The following SLIT2 variants were observed in gnomAD, a reference collection of about 807,000 sequenced individuals.
The protein encoded by SLIT2 is slit homolog 2 protein.
A neutral mutation model predicts 185.7 loss-of-function variants in SLIT2; 41 were observed. The ratio of observed to expected loss-of-function variants is 0.22; its 90% CI spans 0.17 to 0.29. SLIT2 has a LOEUF of 0.29. SLIT2 is among the 10% of genes least tolerant of loss of function. SLIT2 has a pLI of 1.00. For missense variants in SLIT2, 1,571 were observed against 1,909.0 expected (o/e 0.82, Z 3.30); for synonymous variants, 693 against 680.2 (o/e 1.02, Z -0.29).
chr4:20,466,652 A>G (rs1714389170), intron 4 of SLIT2, among the ~76,000 whole-genome samples: 1 of 152,114 alleles, frequency 6.6e-6, no homozygotes, highest in South Asian at 2.1e-4. Flanking sequence ...ATGTATGAAC[A>G]AGAAACTCAG....
At chr4:20,609,181 A>G (rs1415397414) in intron 33 of SLIT2, among the ~76,000 whole-genome samples, 1 of 152,118 alleles carries the variant, frequency 6.6e-6, no homozygotes, top group Non-Finnish European at 1.5e-5. Context: ...TTATTTTTTA[A>G]TCCTCATTTT....
At chr4:20,262,782 C>T (rs4697156) in intron 3 of SLIT2, among the ~76,000 whole-genome samples, 53,831 of 151,602 alleles carry the variant, frequency 0.36, 10,096 homozygotes, top group East Asian at 0.69. Flanking sequence ...GGTTTACTGA[C>T]GCTGGTCATA....
chr4:20,521,845 A>G (rs1720870449), intron 12 of SLIT2, among the ~76,000 whole-genome samples: 1 of 151,746 alleles, frequency 6.6e-6, no homozygotes, highest in Admixed American at 6.6e-5. Flanking sequence ...ATGTTAACAT[A>G]GAGATTGTTT....
intron 4 of SLIT2, among the ~76,000 whole-genome samples, chr4:20,336,551 G>A (rs1229152922): frequency 6.6e-6 from 1 of 152,090 alleles, no homozygotes; most frequent in African/African-American, 2.4e-5. Flanking sequence ...GGAGGGGAGA[G>A]GGATAGCATT....
chr4:20,608,810 T>G (rs1195963783), intron 33 of SLIT2, among the ~76,000 whole-genome samples: 1 of 152,192 alleles, frequency 6.6e-6, no homozygotes, highest in Non-Finnish European at 1.5e-5. Flanking sequence ...TATCAGTGCC[T>G]AGAAATTTAA....
intron 3 of SLIT2, among the ~76,000 whole-genome samples, chr4:20,261,530 G>T (rs1712476179): frequency 6.6e-6 from 1 of 151,804 alleles, no homozygotes; most frequent in Admixed American, 6.6e-5. Flanking sequence ...CTGTTTATGG[G>T]ATTAGATACT....
intron 22 of SLIT2, among the ~76,000 whole-genome samples, chr4:20,547,902 G>A (rs1021999782): frequency 2.0e-5 from 3 of 151,882 alleles, no homozygotes; most frequent in African/African-American, 7.3e-5. Context: ...TATTTATTGA[G>A]GACCTACTGT....
chr4:20,480,044 G>A (rs1232782767), intron 5 of SLIT2, among the ~76,000 whole-genome samples: 34 of 152,132 alleles, frequency 2.2e-4, no homozygotes, highest in Admixed American at 2.2e-3. Context: ...TAACTCAAAA[G>A]TATGCTGTAT....
chr4:20,617,488 A>G lies in SLIT2; in HGVS notation c.4186A>G (p.Lys1396Glu), dbSNP rs369208825. ...LPINAFSYSC[K>E]CLEGHGGVLC... ...CATCAATGCGTTCTCCTACAGCTGT[A>G]AGTGCTTGGAGGGCCATGGAGGTGT... The change falls in exon 36 of 37, where the codon AAG becomes GAG. Residue 1396 changes from lysine to glutamate, a missense_variant. Transcript: ENST00000504154. The G allele has an allele frequency of 2.5e-5, 40 of 1,613,970 alleles. No individual in the cohort carries two copies. The highest frequency in any genetic ancestry group is 1.2e-4 in the Admixed American group (7 of 60,000).
chr4:20,371,782 C>T (rs1723596091), intron 4 of SLIT2, among the ~76,000 whole-genome samples: 1 of 151,916 alleles, frequency 6.6e-6, no homozygotes, highest in Non-Finnish European at 1.5e-5. Flanking sequence ...ATAATTAATG[C>T]TAGTGGCCTG....
chr4:20,576,589 C>T (rs750306439), intron 29 of SLIT2, among the ~76,000 whole-genome samples: 3 of 152,128 alleles, frequency 2.0e-5, no homozygotes, highest in Non-Finnish European at 4.4e-5. Flanking sequence ...TAGTTGCGGA[C>T]ACACTTGTGA....
At chr4:20,352,111 A>G (rs1400223659) in intron 4 of SLIT2, among the ~76,000 whole-genome samples, 1 of 152,048 alleles carries the variant, frequency 6.6e-6, no homozygotes, top group African/African-American at 2.4e-5. Context: ...TATGTATGCA[A>G]TTTTTCTTTT....
intron 4 of SLIT2, among the ~76,000 whole-genome samples, chr4:20,338,143 CA>C (rs1423814144): frequency 6.6e-6 from 1 of 152,150 alleles, no homozygotes; most frequent in Admixed American, 6.5e-5. Flanking sequence ...GTCTCTCATA[CA>C]TTTTTAAATT....
At chr4:20,485,951 A>G (rs561616564) in intron 6 of SLIT2, among the ~76,000 whole-genome samples, 1 of 152,336 alleles carries the variant, frequency 6.6e-6, no homozygotes, top group East Asian at 1.9e-4. Flanking sequence ...TAGAATGTAA[A>G]TAGTCAAACA....
At chr4:20,601,238 T>A (rs1019646695) in intron 33 of SLIT2, among the ~76,000 whole-genome samples, 1 of 152,260 alleles carries the variant, frequency 6.6e-6, no homozygotes, top group African/African-American at 2.4e-5. Flanking sequence ...TTGATTCAAG[T>A]CCAGCTCTGT....
intron 26 of SLIT2, among the ~76,000 whole-genome samples, chr4:20,556,251 A>G (rs913962109): frequency 6.6e-6 from 1 of 151,858 alleles, no homozygotes; most frequent in Non-Finnish European, 1.5e-5. Context: ...TGAGAGAGAG[A>G]TGATTGTCAA....
At chr4:20,452,512 C>T (rs1429776383) in intron 4 of SLIT2, among the ~76,000 whole-genome samples, 1 of 152,142 alleles carries the variant, frequency 6.6e-6, no homozygotes, top group African/African-American at 2.4e-5. Context: ...TTCTTTTGCA[C>T]AAGTTGTTCT....
At chr4:20,461,363 A>G (rs140840509) in intron 4 of SLIT2, among the ~76,000 whole-genome samples, 1 of 152,332 alleles carries the variant, frequency 6.6e-6, no homozygotes, top group East Asian at 1.9e-4. Flanking sequence ...AAGGAGGCCA[A>G]TGTGGCTGAA....
intron 4 of SLIT2, among the ~76,000 whole-genome samples, chr4:20,328,839 A>G (rs1366338910): frequency 1.3e-5 from 2 of 151,998 alleles, no homozygotes; most frequent in Non-Finnish European, 2.9e-5. Flanking sequence ...TGGGCCTTGA[A>G]CTGAAAATGA....
Sources: allele counts gnomAD v4.1 joint callset (sites outside exome capture counted in the v4.1 genomes callset), GRCh38; gene constraint gnomAD v4.1.1; transcripts MANE v1.5; gene names NCBI Gene and HGNC (gene_info 2026-07-23, HGNC 2026-07-21).